The following RBPMS variants were observed in gnomAD, a reference collection of about 807,000 sequenced individuals.
RBPMS encodes RNA-binding protein with multiple splicing.
Under a neutral mutation model 26.8 loss-of-function variants are expected in RBPMS, and 7 were observed. The ratio of observed to expected loss-of-function variants is 0.26; its 90% CI spans 0.15 to 0.49. RBPMS has a LOEUF of 0.49. RBPMS is among the 20% of genes least tolerant of loss of function. RBPMS has a pLI of 0.98. For synonymous variants in RBPMS, 96 were observed against 93.3 expected, an observed-to-expected ratio of 1.03 and a Z score of -0.17; for missense variants, 186 against 250.0, an observed-to-expected ratio of 0.74 and a Z score of 1.73.
chr8:30,463,016 T>TA (rs1260844613), intron 1 of RBPMS, among the ~76,000 whole-genome samples: 1 of 152,206 alleles, frequency 6.6e-6, no homozygotes, highest in Admixed American at 6.5e-5. Context: ...GATGCAGACT[T>TA]ACTTTCTCTC....
At chr8:30,435,831 T>G (rs566378217) in intron 1 of RBPMS, among the ~76,000 whole-genome samples, 1 of 152,316 alleles carries the variant, frequency 6.6e-6, no homozygotes, top group African/African-American at 2.4e-5. Flanking sequence ...AAGAGATAGA[T>G]TCTTGGCTTT....
chr8:30,423,740 G>A (rs1454553741), intron 1 of RBPMS, among the ~76,000 whole-genome samples: 3 of 152,108 alleles, frequency 2.0e-5, no homozygotes, highest in African/African-American at 7.2e-5. Context: ...CTTGCCAAGA[G>A]AGAAGATCTC....
At chr8:30,535,547 A>G (rs1238207524) in intron 5 of RBPMS, among the ~76,000 whole-genome samples, 2 of 152,224 alleles carry the variant, frequency 1.3e-5, no homozygotes, top group East Asian at 3.9e-4. Context: ...AGTTCATTAG[A>G]TCAGCTTCAT....
At position 30,454,972 on chromosome 8, in the gene RBPMS, G is replaced by T. The variant is rs186045450; in HGVS notation, c.67-19807G>T. On this transcript the variant is annotated intron_variant, in intron 1 of 8. Transcript: ENST00000397323. ...CAAGTAGCTGGGATTACAGGCACCC[G>T]CCATCACACCCGGCTAATTTTTGTA... Among the ~76,000 whole-genome samples the T allele has an allele frequency of 3.0e-3, 461 of 152,192 alleles. 1 individual carries two copies. Among genetic ancestry groups the T allele is most frequent in the African/African-American group, 1.0e-2 (414 of 41,518 alleles).
chr8:30,470,583 A>G (rs1281457702), intron 1 of RBPMS, among the ~76,000 whole-genome samples: 2 of 152,142 alleles, frequency 1.3e-5, no homozygotes, highest in African/African-American at 4.8e-5. Context: ...TCAAATACAT[A>G]ATGTAAGTAT....
chr8:30,529,442 C>T (rs1479126827), intron 5 of RBPMS, among the ~76,000 whole-genome samples: 1 of 151,646 alleles, frequency 6.6e-6, no homozygotes, highest in East Asian at 2.0e-4. Context: ...GCGGAGGTTG[C>T]AGTGAGCTGA....
intron 1 of RBPMS, chr8:30,446,866 G>C: frequency 6.8e-6 from 1 of 147,770 alleles, no homozygotes; most frequent in East Asian, 2.0e-4. Context: ...CGCGGTGGAG[G>C]GTAGTGGGGT....
At chr8:30,566,411 CG>C (rs1827889243) in intron 8 of RBPMS, 51 bp downstream of exon 8, 1 of 585,232 alleles carries the variant, frequency 1.7e-6, no homozygotes, top group African/African-American at 2.0e-5. Context: ...ATGGCGAACA[CG>C]TGGGAACTGT....
At chr8:30,542,888 A>G (rs1825531604) in intron 5 of RBPMS, among the ~76,000 whole-genome samples, 2 of 152,160 alleles carry the variant, frequency 1.3e-5, no homozygotes, top group African/African-American at 2.4e-5. Context: ...AGGCACCTAC[A>G]CACCCTAGAA....
chr8:30,462,480 A>G (rs913825952), intron 1 of RBPMS, among the ~76,000 whole-genome samples: 3 of 151,890 alleles, frequency 2.0e-5, no homozygotes, highest in Non-Finnish European at 4.4e-5. Flanking sequence ...CTAGAGTGTA[A>G]TGGTGCAATC....
rs1035915702 is a variant in RBPMS, at chr8:30,524,997, A to C, written c.398-19497A>C. On this transcript the variant is annotated intron_variant, in intron 5 of 8. Coordinates refer to ENST00000397323, the MANE Select transcript of RBPMS (RefSeq NM_001008710.3). ...TTTATCAGTGGATATATTTATGAAA[A>C]AATTTAATCTAGATGTGTTTGATGT... Among the ~76,000 whole-genome samples, 3 of 152,156 alleles carry C rather than the reference A, an allele frequency of 2.0e-5. No individual in the cohort carries two copies. In the East Asian group the frequency reaches 5.8e-4, roughly 29 times the overall value.
intron 1 of RBPMS, among the ~76,000 whole-genome samples, chr8:30,473,593 G>C (rs574795513): frequency 6.6e-6 from 1 of 152,112 alleles, no homozygotes; most frequent in Non-Finnish European, 1.5e-5. Flanking sequence ...CCCATTACTG[G>C]ATATATACCC....
chr8:30,564,704 TCCCTGG>T (rs1467171819), intron 7 of RBPMS: 1 of 152,314 alleles, frequency 6.6e-6, no homozygotes, highest in African/African-American at 2.4e-5. Context: ...GCCTGACTCT[TCCCTGG>T]AAGAAGTTCA....
At chr8:30,564,083 G>A (rs989538097) in intron 7 of RBPMS, 3 of 152,204 alleles carry the variant, frequency 2.0e-5, no homozygotes, top group African/African-American at 7.2e-5. Context: ...CAGGTAAGCA[G>A]CTCAGTGTTG....
intron 1 of RBPMS, among the ~76,000 whole-genome samples, chr8:30,464,786 A>G (rs900293965): frequency 1.3e-5 from 2 of 152,178 alleles, no homozygotes; most frequent in African/African-American, 2.4e-5. Context: ...GAATTTTGAT[A>G]AGATCTTTTT....
intron 4 of RBPMS, among the ~76,000 whole-genome samples, chr8:30,493,711 T>C (rs1199474907): frequency 6.6e-6 from 1 of 152,178 alleles, no homozygotes; most frequent in African/African-American, 2.4e-5. Context: ...TTCCTATCAT[T>C]GTCAGGGCCC....
Position 30,547,274 on chromosome 8 carries a change from A to G in RBPMS, c.528+2650A>G, listed in dbSNP as rs1215285542. 4 of 1,458,988 alleles carry G rather than the reference A, an allele frequency of 2.7e-6. No homozygotes were observed. In the East Asian group the frequency reaches 9.4e-5, roughly 34 times the overall value. The allele number at this position is 1,458,988 out of a possible 1,614,324, so 90.4% of individuals were successfully genotyped here. On this transcript the variant is annotated intron_variant, in intron 6 of 8. Transcript: ENST00000397323. ...TGTTATGCTCTATTTTGAGACATGG[A>G]TTTTTTTTTTCTTCTAGTGTTTCTC...
intron 6 of RBPMS, among the ~76,000 whole-genome samples, chr8:30,549,920 G>A (rs1463467856): frequency 4.7e-5 from 7 of 147,998 alleles, no homozygotes; most frequent in Non-Finnish European, 6.0e-5. Context: ...GTGTGATCTC[G>A]GCTCACTGCA....
At chr8:30,545,014 G>T (rs529474843) in intron 6 of RBPMS, 1 of 1,434,444 alleles carries the variant, frequency 7.0e-7, no homozygotes, top group Admixed American at 2.6e-5. Flanking sequence ...GGATATGTGC[G>T]TCTGTGCGTG....
Sources: gnomAD v4.1 joint callset for allele counts (sites outside exome capture counted in the v4.1 genomes callset) on GRCh38, gnomAD v4.1.1 for gene constraint, MANE v1.5 for transcripts, NCBI Gene and HGNC (gene_info 2026-07-23, HGNC 2026-07-21) for gene names.